The following GLB1 variants were observed in gnomAD, a reference collection of about 807,000 sequenced individuals.
GLB1 encodes galactosidase beta 1.
GLB1 carries 56 observed loss-of-function variants against 74.0 expected under a neutral mutation model. The observed-to-expected ratio is 0.76, with a 90% CI of 0.61 to 0.94. The LOEUF (loss-of-function observed/expected upper bound fraction) is 0.94, where lower values mean the gene tolerates loss of function less well. GLB1 is among the 40% of genes least tolerant of loss of function. The pLI is 0.00. For synonymous variants in GLB1, 323 were observed against 323.6 expected, an observed-to-expected ratio of 1.00 and a Z score of 0.02; for missense variants, 787 against 845.5, an observed-to-expected ratio of 0.93 and a Z score of 0.86.
intron 1 of GLB1, chr3:33,092,846 C>A: frequency 6.2e-7 from 1 of 1,603,994 alleles, no homozygotes; most frequent in Non-Finnish European, 8.5e-7. Context: ...AGGGAGACCG[C>A]TGCAGGATGA....
At chr3:33,076,546 G>A (rs1254502383) in intron 1 of GLB1, among the ~76,000 whole-genome samples, 2 of 152,202 alleles carry the variant, frequency 1.3e-5, no homozygotes, top group Non-Finnish European at 2.9e-5. Flanking sequence ...GTGGGCAGGA[G>A]GCAGAAGGAG....
chr3:33,074,389 G>GAAAGAAAGAAAGAAAGAAAGA (rs1559412979), intron 1 of GLB1, among the ~76,000 whole-genome samples: 556 of 38,900 alleles, frequency 0.014, 119 homozygotes, highest in East Asian at 0.075. Flanking sequence ...AGGAAGGAAG[G>GAAAGAAAGAAAGAAAGAAAGA]AAGAAAGAAA....
chr3:33,053,454 A>C (rs1370589231), intron 7 of GLB1, 37 bp downstream of exon 7: 11 of 1,613,962 alleles, frequency 6.8e-6, no homozygotes, highest in Non-Finnish European at 9.3e-6. Flanking sequence ...TTTCTCTCTT[A>C]ACAGCTGCAA....
chr3:32,997,599 G>A (rs1012363584), intron 15 of GLB1, among the ~76,000 whole-genome samples: 2 of 152,130 alleles, frequency 1.3e-5, no homozygotes, highest in Admixed American at 6.5e-5. Context: ...ACCCACTCCT[G>A]CTTCAGGAAA....
Position 33,094,083 on chromosome 3 carries a change from C to A in GLB1, c.75+2928G>T, listed in dbSNP as rs762217240. On this transcript the variant is annotated intron_variant, in intron 1 of 15. Transcript: ENST00000307363. The stretch of plus-strand genomic sequence containing the variant: ...CAAGCGAAGCAGCCAACGCCAGGCC[C>A]TGAGCTCAAGGCTCTCTGCCAGATA... 2 of 1,614,264 alleles carry A rather than the reference C, an allele frequency of 1.2e-6. No homozygotes were observed. Among genetic ancestry groups the A allele is most frequent in the Admixed American group, 3.3e-5 (2 of 60,032 alleles).
intron 5 of GLB1, among the ~76,000 whole-genome samples, chr3:33,060,090 T>C (rs1200883193): frequency 2.0e-5 from 3 of 152,100 alleles, no homozygotes; most frequent in East Asian, 1.9e-4. Flanking sequence ...ACGTGCAGAG[T>C]TGGAGAGTGG....
chr3:33,050,571 T>G lies in GLB1; in HGVS notation c.955+1187A>C, dbSNP rs75515802. ...TATGTGGTTCACTTATACGAAATGTTCAGAATTGGCAAACCCACAGGGACA... is the reference window on the plus strand; with the variant it reads ...TATGTGGTTCACTTATACGAAATGTGCAGAATTGGCAAACCCACAGGGACA... On this transcript the variant is annotated intron_variant, in intron 9 of 15. Coordinates refer to ENST00000307363, the MANE Select transcript of GLB1 (RefSeq NM_000404.4). 5.8e-3 allele frequency among the ~76,000 whole-genome samples: 883 copies of G among 152,306 alleles called. 7 individuals are homozygous for G. The highest frequency in any genetic ancestry group is 0.02 in the African/African-American group (843 of 41,562).
intron 6 of GLB1, among the ~76,000 whole-genome samples, chr3:33,055,552 C>T (rs1191703399): frequency 1.3e-5 from 2 of 151,092 alleles, no homozygotes; most frequent in African/African-American, 4.9e-5. Flanking sequence ...CCTCTGGCTC[C>T]CGGGTTCAAG....
rs144088403 is a variant in GLB1 at position 33,010,534 on chromosome 3, A to C, written c.1734+3522T>G. On this transcript the variant is annotated intron_variant, in intron 15 of 15. Coordinates refer to ENST00000307363, the MANE Select transcript of GLB1 (RefSeq NM_000404.4). ...GAATTCTTTACATATTCTAGATATA[A>C]GTCCTTTGTTAGATATATGATTTGA... Among the ~76,000 whole-genome samples, 821 of 152,312 alleles carry C rather than the reference A, an allele frequency of 5.4e-3. 7 individuals carry two copies. The highest frequency in any genetic ancestry group is 0.017 in the African/African-American group (708 of 41,570).
chr3:32,971,214 T>C, the GLB1 span, among the ~76,000 whole-genome samples: 2 of 152,252 alleles, frequency 1.3e-5, no homozygotes, highest in Non-Finnish European at 1.5e-5. Flanking sequence ...CTTTAGATAT[T>C]ACTATCTTAA....
the GLB1 span, among the ~76,000 whole-genome samples, chr3:32,985,087 G>A: frequency 3.9e-4 from 57 of 145,522 alleles, no homozygotes; most frequent in East Asian, 8.0e-3. Context: ...CCTGGGTGAC[G>A]GAGTGAAACT....
chr3:33,000,768 T>C (rs1364496653), intron 15 of GLB1, among the ~76,000 whole-genome samples: 1 of 151,982 alleles, frequency 6.6e-6, no homozygotes, highest in Non-Finnish European at 1.5e-5. Context: ...CCAACAATAT[T>C]ATACAAGAAG....
At chr3:32,980,190 C>T in the GLB1 span, among the ~76,000 whole-genome samples, 3 of 152,166 alleles carry the variant, frequency 2.0e-5, no homozygotes, top group African/African-American at 7.2e-5. Flanking sequence ...ACTTCGAAAC[C>T]GTTAATTAGC....
rs563544419 is a variant in GLB1 at position 33,096,172 on chromosome 3, G to C, written c.75+839C>G. ...CCTGGAGGAACCAAAGTTGGTCCGC[G>C]GAACGTGCAGAGGAGCAGCTTGCAA... On this transcript the variant is annotated intron_variant, in intron 1 of 15. Coordinates refer to ENST00000307363, the MANE Select transcript of GLB1 (RefSeq NM_000404.4). Among the ~76,000 whole-genome samples the C allele has an allele frequency of 3.3e-5, 5 of 152,232 alleles. No individual in the cohort carries two copies. The East Asian group carries it at 9.7e-4, about 29-fold the overall frequency.
rs115554377 is a variant in GLB1, at chr3:33,097,122, G to C, written c.-37C>G. 2,209 of 1,608,376 alleles carry C rather than the reference G, an allele frequency of 1.4e-3. 39 individuals carry two copies. The African/African-American group carries it at 0.025, about 18-fold the overall frequency. On this transcript the variant is annotated 5_prime_UTR_variant, in exon 1 of 16. Coordinates refer to ENST00000307363, the MANE Select transcript of GLB1 (RefSeq NM_000404.4). ...TCCCGGCTCTGCAGTCGGCGCCCAGGCCGGCCGCTTCGCGTCACTTGACTA... is the reference window on the plus strand; with the variant it reads ...TCCCGGCTCTGCAGTCGGCGCCCAGCCCGGCCGCTTCGCGTCACTTGACTA...
chr3:33,094,000 T>C lies in GLB1; in HGVS notation c.75+3011A>G, dbSNP rs563602804. ...GAGTGGCAGAGGTTGCTCACTGTGC[T>C]GCGCCAAATGTAGAGGGAGCCAATG... On this transcript the variant is annotated intron_variant, in intron 1 of 15. Transcript: ENST00000307363. This position sits in a 1 kb window ranked among gnomAD's most constrained non-coding sequence, Gnocchi z 6.0. The C allele has an allele frequency of 1.2e-6, 2 of 1,614,222 alleles. No homozygotes were observed. Among genetic ancestry groups the C allele is most frequent in the South Asian group, 1.1e-5 (1 of 91,090 alleles).
At chr3:32,986,595 T>C in the GLB1 span, among the ~76,000 whole-genome samples, 2 of 57,474 alleles carry the variant, frequency 3.5e-5, no homozygotes, top group Non-Finnish European at 6.7e-5. Flanking sequence ...ACTGTTTCTC[T>C]TTTTTTTTTT....
At chr3:32,987,035 C>T in the GLB1 span, among the ~76,000 whole-genome samples, 22 of 152,358 alleles carry the variant, frequency 1.4e-4, no homozygotes, top group East Asian at 2.3e-3. Flanking sequence ...ACCCAGTCCC[C>T]AGCTACCATG....
chr3:33,092,344 C>T (rs1700799506), intron 1 of GLB1: 1 of 987,818 alleles, frequency 1.0e-6, no homozygotes, highest in South Asian at 4.7e-5. Flanking sequence ...TCCATCTTGC[C>T]TGTTCTCCCA....
Sources: allele counts gnomAD v4.1 joint callset (sites outside exome capture counted in the v4.1 genomes callset), GRCh38; gene constraint gnomAD v4.1.1; non-coding constraint Gnocchi (gnomAD v3.1); transcripts MANE v1.5; gene names NCBI Gene and HGNC (gene_info 2026-07-23, HGNC 2026-07-21).